The following RCC1 variants were observed in gnomAD, a reference collection of about 807,000 sequenced individuals.
RCC1 encodes regulator of chromosome condensation 1.
Under a neutral mutation model 44.4 loss-of-function variants are expected in RCC1, and 11 were observed. The ratio of observed to expected loss-of-function variants is 0.25; its 90% confidence interval spans 0.16 to 0.41. The LOEUF (loss-of-function observed/expected upper bound fraction) is 0.41. Among genes scored for constraint, RCC1 ranks in the 10% least tolerant of loss-of-function variants. The pLI is 1.00. For synonymous variants in RCC1, 213 were observed against 216.5 expected, an observed-to-expected ratio of 0.98 and a Z score of 0.14; for missense variants, 386 against 547.1, an observed-to-expected ratio of 0.71 and a Z score of 2.94.
intron 1 of RCC1, chr1:28,506,381 C>T (rs1661930672): frequency 1.1e-5 from 4 of 371,118 alleles, no homozygotes; most frequent in Non-Finnish European, 2.1e-5. Flanking sequence ...GACGGGGTTT[C>T]GCTATGTTGG....
At chr1:28,515,251 T>C (rs1020960460) in intron 3 of RCC1, among the ~76,000 whole-genome samples, 1 of 151,186 alleles carries the variant, frequency 6.6e-6, no homozygotes, top group Non-Finnish European at 1.5e-5. Flanking sequence ...GATCACGCCA[T>C]TACACTCCAG....
chr1:28,534,803 G>C (rs1361913906), intron 7 of RCC1, among the ~76,000 whole-genome samples: 1 of 152,188 alleles, frequency 6.6e-6, no homozygotes, highest in Non-Finnish European at 1.5e-5. Flanking sequence ...CCATTTACTT[G>C]CCACACAGTT....
intron 5 of RCC1, among the ~76,000 whole-genome samples, chr1:28,530,349 C>T (rs907899797): frequency 2.6e-5 from 4 of 152,220 alleles, no homozygotes; most frequent in Non-Finnish European, 5.9e-5. Context: ...CAGCGTCACC[C>T]TCTCTGGGCT....
At chr1:28,510,246 T>G (rs1235371094) in intron 3 of RCC1, 1 of 152,226 alleles carries the variant, frequency 6.6e-6, no homozygotes, top group African/African-American at 2.4e-5. Flanking sequence ...AGGTCAGGGT[T>G]GGTTTGAGAA....
chr1:28,531,265 C>CTTTTTTTTT (rs1178899130), intron 5 of RCC1, among the ~76,000 whole-genome samples: 2 of 132,112 alleles, frequency 1.5e-5, no homozygotes, highest in Non-Finnish European at 3.1e-5. Context: ...TTTTCTTTTT[C>CTTTTTTTTT]TTTTTTTTTT....
chr1:28,515,863 A>T (rs1265696981), intron 3 of RCC1, among the ~76,000 whole-genome samples: 1 of 151,952 alleles, frequency 6.6e-6, no homozygotes, highest in Non-Finnish European at 1.5e-5. Flanking sequence ...CCTGGCAAAA[A>T]TGGTGAAACC....
chr1:28,511,391 TTTTTG>T (rs942607325), intron 3 of RCC1, among the ~76,000 whole-genome samples: 1 of 139,588 alleles, frequency 7.2e-6, no homozygotes, highest in Non-Finnish European at 1.5e-5. Flanking sequence ...AGTATCCAAT[TTTTTG>T]TTTTTTGTTT....
chr1:28,515,608 T>C (rs1662850824), intron 3 of RCC1, among the ~76,000 whole-genome samples: 1 of 150,934 alleles, frequency 6.6e-6, no homozygotes, highest in African/African-American at 2.4e-5. Flanking sequence ...TCCCAGCTAC[T>C]CTGGAGACTG....
intron 1 of RCC1, chr1:28,507,374 GAT>G (rs765442320): frequency 1.9e-6 from 1 of 519,116 alleles, no homozygotes; most frequent in Admixed American, 1.9e-5. Context: ...GTCCAACGTG[GAT>G]ACACCCGGGA....
intron 4 of RCC1, among the ~76,000 whole-genome samples, chr1:28,522,986 A>C (rs1310259376): frequency 1.3e-5 from 2 of 149,354 alleles, no homozygotes; most frequent in East Asian, 3.9e-4. Flanking sequence ...AAGCTGAGAG[A>C]CTACTAGGGA....
chr1:28,527,152 C>T (rs1242840122), intron 4 of RCC1: 2 of 1,268,566 alleles, frequency 1.6e-6, no homozygotes, highest in African/African-American at 3.0e-5. Context: ...GCTGCAGTGG[C>T]AGAAATGCCC....
chr1:28,532,621 GC>G, intron 7 of RCC1: 1 of 522,364 alleles, frequency 1.9e-6, no homozygotes, highest in East Asian at 4.2e-5. Context: ...GATCCAGGAG[GC>G]CTGCTGTCTT....
chr1:28,529,790 A>G (rs1663991792), intron 4 of RCC1, 68 bp from the exon 5 acceptor site: 1 of 1,224,328 alleles, frequency 8.2e-7, no homozygotes, highest in African/African-American at 1.5e-5. Context: ...AGTGTTTGAT[A>G]AATATTGTCT....
At position 28,527,584 on chromosome 1, in the gene RCC1, C is replaced by T. The variant is rs549756661; in HGVS notation, c.-9-2274C>T. Among the ~76,000 whole-genome samples, 14 of 152,274 alleles carry T rather than the reference C, an allele frequency of 9.2e-5. No homozygotes were observed. The South Asian group carries it at 2.5e-3, about 27-fold the overall frequency. ...TAAATAAGAAAAGAAAATAGCTCTT[C>T]TCCCCCTCTGATTATAACAACACAT... On this transcript the variant is annotated intron_variant, in intron 4 of 12. Transcript: ENST00000683442.
rs145654114 is a variant in RCC1 at position 28,536,979 on chromosome 1, G to A, written c.1090+80G>A. ...ACCCAATTCCCCAATAGGCTGTGAT[G>A]TCCACTCTCGGGGGAGCCGAGGTAC... On this transcript the variant is annotated intron_variant, in intron 12 of 12. Coordinates refer to ENST00000683442, the MANE Select transcript of RCC1 (RefSeq NM_001381865.2). This position sits in a 1 kb window ranked among gnomAD's most constrained non-coding sequence, Gnocchi z 4.9. 1.5e-5 allele frequency: 22 copies of A among 1,509,700 alleles called. No individual in the cohort carries two copies. In the East Asian group the frequency reaches 5.0e-4, roughly 34 times the overall value. The allele number at this position is 1,509,700 out of a possible 1,614,324, so 93.5% of individuals were successfully genotyped here.
chr1:28,506,558 A>G (rs6699748), intron 1 of RCC1: 14,374 of 227,688 alleles, frequency 0.063, 1,240 homozygotes, highest in African/African-American at 0.23. Context: ...TACGCGTTAG[A>G]CGGGCCTGGG....
intron 7 of RCC1, among the ~76,000 whole-genome samples, chr1:28,534,150 T>C (rs1436603929): frequency 2.0e-5 from 3 of 152,020 alleles, no homozygotes; most frequent in Non-Finnish European, 4.4e-5. Context: ...AGTGCTGGAT[T>C]GCAGGCTTGA....
Position 28,535,912 on chromosome 1 carries a change from G to T in RCC1, c.703G>T (p.Gly235Ter). Residue 235 changes from glycine (G) to a stop codon, truncating the protein, a stop_gained, in exon 10 of 13, where the codon GGA (glycine) becomes TGA (stop). Transcript: ENST00000683442. LOFTEE classifies it high-confidence loss of function. ...VPKCVMLKSR[G>*]SRGHVRFQDA... ...CAAGTGTGTGATGCTGAAATCCAGG[G>T]GAAGCCGGGGCCACGTGAGATTCCA... 1 of 1,614,018 alleles carries T rather than the reference G, an allele frequency of 6.2e-7. No homozygotes were observed. The highest frequency in any genetic ancestry group is 8.5e-7 in the Non-Finnish European group (1 of 1,179,964).
At chr1:28,526,629 C>T in intron 4 of RCC1, 1 of 488,872 alleles carries the variant, frequency 2.0e-6, no homozygotes, top group Non-Finnish European at 3.7e-6. Flanking sequence ...GGCGCGGTGG[C>T]TCACACCTGT....
Sources: gnomAD v4.1 joint callset for allele counts (sites outside exome capture counted in the v4.1 genomes callset) on GRCh38, gnomAD v4.1.1 for gene constraint, Gnocchi (gnomAD v3.1) non-coding constraint, MANE v1.5 for transcripts, NCBI Gene and HGNC (gene_info 2026-07-23, HGNC 2026-07-21) for gene names.